The following ELMO1 variants were observed in gnomAD, a reference collection of about 807,000 sequenced individuals.
The protein encoded by ELMO1 is engulfment and cell motility 1.
In ELMO1, 26 loss-of-function variants were observed where a neutral mutation model predicts 98.9. The ratio of observed to expected loss-of-function variants is 0.26; its 90% confidence interval spans 0.19 to 0.36. ELMO1 has a LOEUF of 0.36. Among genes scored for constraint, ELMO1 ranks in the 10% least tolerant of loss-of-function variants. The probability of loss-of-function intolerance (pLI) is 1.00; values close to 1 mark genes in which losing one functional copy is unlikely to be tolerated. For synonymous variants in ELMO1, 346 were observed against 346.0 expected (o/e 1.00, Z 0.00); for missense variants, 627 against 935.2 (o/e 0.67, Z 4.30).
At chr7:37,174,283 G>A (rs1174638357) in intron 13 of ELMO1, among the ~76,000 whole-genome samples, 2 of 152,120 alleles carry the variant, frequency 1.3e-5, no homozygotes, top group South Asian at 4.1e-4. Flanking sequence ...AGAAAAGGAC[G>A]AGATTCACTG....
intron 15 of ELMO1, among the ~76,000 whole-genome samples, chr7:37,024,430 CTG>C (rs1794455072): frequency 6.6e-6 from 1 of 152,168 alleles, no homozygotes; most frequent in African/African-American, 2.4e-5. Context: ...ATTTTGGTCT[CTG>C]TTTAATGAAA....
At chr7:37,039,685 C>T (rs888294168) in intron 15 of ELMO1, among the ~76,000 whole-genome samples, 2 of 152,192 alleles carry the variant, frequency 1.3e-5, no homozygotes, top group Non-Finnish European at 2.9e-5. Context: ...TAGCCTGAGG[C>T]CAGTTGACTC....
Position 37,101,908 on chromosome 7 carries a change from C to T in ELMO1, c.1192-5181G>A, listed in dbSNP as rs190129441. On this transcript the variant is annotated intron_variant, in intron 14 of 21. Coordinates refer to ENST00000310758, the MANE Select transcript of ELMO1 (RefSeq NM_014800.11). The stretch of plus-strand genomic sequence containing the variant: ...TGTTTCTGGCAATAAAGTCCTCAAA[C>T]TAAAGCGTTCCAGCCACCATAGGGC... Among the ~76,000 whole-genome samples, 28 of 152,296 alleles carry T rather than the reference C, an allele frequency of 1.8e-4. No homozygotes were observed. In the East Asian group the frequency reaches 2.3e-3, roughly 13 times the overall value.
chr7:36,919,431 C>T (rs749097915), intron 16 of ELMO1: 33 of 525,904 alleles, frequency 6.3e-5, no homozygotes, highest in African/African-American at 6.2e-4. Context: ...GGAGAAGTAG[C>T]ATAGTAAACT....
intron 16 of ELMO1, among the ~76,000 whole-genome samples, chr7:37,001,578 G>C (rs1366482286): frequency 6.6e-6 from 1 of 152,144 alleles, no homozygotes; most frequent in East Asian, 1.9e-4. Flanking sequence ...CCATGCTGTG[G>C]GAGTAGACAT....
intron 8 of ELMO1, among the ~76,000 whole-genome samples, chr7:37,225,961 T>C (rs1793851661): frequency 6.6e-6 from 1 of 152,048 alleles, no homozygotes; most frequent in African/African-American, 2.4e-5. Context: ...TCTTGCTGCT[T>C]CCCCCCTGTC....
intron 4 of ELMO1, among the ~76,000 whole-genome samples, chr7:37,303,211 A>T (rs1274591020): frequency 6.6e-6 from 1 of 152,232 alleles, no homozygotes; most frequent in Non-Finnish European, 1.5e-5. Flanking sequence ...TAGAGCAAAG[A>T]GTGTAATGAA....
chr7:37,332,942 T>A (rs1583569537), intron 2 of ELMO1, among the ~76,000 whole-genome samples: 1 of 152,048 alleles, frequency 6.6e-6, no homozygotes, highest in Non-Finnish European at 1.5e-5. Flanking sequence ...CAGTGGCGGC[T>A]AGGACGGAAA....
intron 7 of ELMO1, among the ~76,000 whole-genome samples, chr7:37,236,916 G>A (rs543042907): frequency 1.3e-5 from 2 of 152,258 alleles, no homozygotes; most frequent in East Asian, 1.9e-4. Flanking sequence ...ATCAATGCTG[G>A]GTATAGAGAG....
At chr7:36,960,864 C>G (rs1293842198) in intron 16 of ELMO1, among the ~76,000 whole-genome samples, 1 of 152,156 alleles carries the variant, frequency 6.6e-6, no homozygotes, top group Non-Finnish European at 1.5e-5. Flanking sequence ...CTATGCAAAC[C>G]AGACACCGCC....
chr7:37,257,702 C>G (rs1231917574), intron 6 of ELMO1, among the ~76,000 whole-genome samples: 6 of 151,066 alleles, frequency 4.0e-5, no homozygotes, highest in Admixed American at 2.0e-4. Flanking sequence ...CCCATCTCTA[C>G]TAAAAATACA....
rs573303224 is a variant in ELMO1 at position 36,925,563 on chromosome 7, C to G, written c.1438-30546G>C. On this transcript the variant is annotated intron_variant, in intron 16 of 21. Transcript: ENST00000310758. Reference sequence around the variant, plus strand: ...TACTCCTTGGGTCCCTATATTGCCCCCAACCCGTTTCAATTTTCCTGGGGC... The same window carrying G: ...TACTCCTTGGGTCCCTATATTGCCCGCAACCCGTTTCAATTTTCCTGGGGC... Among the ~76,000 whole-genome samples the G allele has an allele frequency of 6.6e-5, 10 of 152,312 alleles. No homozygotes were observed. The East Asian group carries it at 1.9e-3, about 29-fold the overall frequency.
intron 13 of ELMO1, among the ~76,000 whole-genome samples, chr7:37,159,453 C>G (rs920277731): frequency 2.0e-5 from 3 of 152,150 alleles, no homozygotes; most frequent in African/African-American, 7.2e-5. Flanking sequence ...GTAATTCCAG[C>G]ACTTTGGGAG....
chr7:37,190,271 T>C (rs1219522248), intron 13 of ELMO1, among the ~76,000 whole-genome samples: 1 of 152,238 alleles, frequency 6.6e-6, no homozygotes, highest in Non-Finnish European at 1.5e-5. Context: ...GTTGCATGTA[T>C]GTTCATCTCC....
intron 7 of ELMO1, among the ~76,000 whole-genome samples, chr7:37,237,910 C>T (rs1463121797): frequency 6.6e-6 from 1 of 152,114 alleles, no homozygotes; most frequent in African/African-American, 2.4e-5. Context: ...GTTTATCTAC[C>T]CCCTTATACC....
intron 1 of ELMO1, among the ~76,000 whole-genome samples, chr7:37,434,618 T>G (rs1805069699): frequency 6.6e-6 from 1 of 152,194 alleles, no homozygotes; most frequent in African/African-American, 2.4e-5. Context: ...GTCACTCCCT[T>G]GGGTAAAACT....
chr7:37,191,439 T>C (rs2130160223), intron 13 of ELMO1, among the ~76,000 whole-genome samples: 1 of 152,162 alleles, frequency 6.6e-6, no homozygotes, highest in South Asian at 2.1e-4. Context: ...ATATCAAAAA[T>C]AATTGTGTCA....
chr7:37,292,216 C>T (rs1797729976), intron 4 of ELMO1, among the ~76,000 whole-genome samples: 1 of 106,172 alleles, frequency 9.4e-6, no homozygotes, highest in Non-Finnish European at 2.3e-5. Flanking sequence ...TCCCGAGGTG[C>T]CGGGATTGCA....
At chr7:36,917,911 A>C (rs1455969067) in intron 16 of ELMO1, among the ~76,000 whole-genome samples, 1 of 151,430 alleles carries the variant, frequency 6.6e-6, no homozygotes, top group Non-Finnish European at 1.5e-5. Flanking sequence ...TGGGAAGTTT[A>C]TACAACATAG....
Sources: allele counts gnomAD v4.1 joint callset (sites outside exome capture counted in the v4.1 genomes callset), GRCh38; gene constraint gnomAD v4.1.1; transcripts MANE v1.5; gene names NCBI Gene and HGNC (gene_info 2026-07-23, HGNC 2026-07-21).